C5orf46: variants seen among roughly 807,000 people sequenced by gnomAD.
The protein encoded by C5orf46 is chromosome 5 open reading frame 46.
C5orf46 carries 9 observed loss-of-function variants against 8.9 expected under a neutral mutation model. The observed-to-expected ratio is 1.01, with a 90% CI of 0.61 to 1.76. The LOEUF (loss-of-function observed/expected upper bound fraction) is 1.76. Among genes scored for constraint, C5orf46 ranks in the 40% most tolerant of loss-of-function variants. C5orf46 has a pLI of 0.00. For synonymous variants in C5orf46, 47 were observed against 41.4 expected, an observed-to-expected ratio of 1.14 and a Z score of -0.52; for missense variants, 98 against 107.8, an observed-to-expected ratio of 0.91 and a Z score of 0.40.
chr5:147,901,605 A>C (rs1757670103), intron 2 of C5orf46, 24 bp downstream of exon 2: 1 of 1,607,590 alleles, frequency 6.2e-7, no homozygotes, highest in South Asian at 1.1e-5. Flanking sequence ...TTGGACAAAA[A>C]GCAACGTTTT....
chr5:147,893,280 TC>T (rs1259689389), intron 3 of C5orf46, among the ~76,000 whole-genome samples: 3 of 145,992 alleles, frequency 2.1e-5, no homozygotes, highest in African/African-American at 7.6e-5. Context: ...GTCACATAAA[TC>T]TTTTTTTTTT....
chr5:147,886,655 A>G (rs1202628463), intron 2 of C5orf46: 1 of 151,350 alleles, frequency 6.6e-6, no homozygotes. Context: ...ACAAACATAC[A>G]TGAATGATAC....
At position 147,897,866 on chromosome 5, in the gene C5orf46, C is replaced by T. The variant is rs1392353040; in HGVS notation, c.216-825G>A. 3.9e-5 allele frequency among the ~76,000 whole-genome samples: 6 copies of T among 152,074 alleles called. No homozygotes were observed. In the South Asian group the frequency reaches 6.2e-4, roughly 16 times the overall value. On this transcript the variant is annotated intron_variant, in intron 2 of 3. Transcript: ENST00000318315. ...TCAGCAGAGGGAAAAATCACACGCA[C>T]AGATATTGGGGGTTTATACAAACAT...
At chr5:147,890,626 T>G (rs1277655206), downstream of C5orf46, among the ~76,000 whole-genome samples, 1 of 152,126 alleles carries the variant, frequency 6.6e-6, no homozygotes, top group Non-Finnish European at 1.5e-5. Context: ...AGGTGATATT[T>G]AGTACAAGAC....
intron 3 of C5orf46, among the ~76,000 whole-genome samples, chr5:147,896,672 G>A (rs1414565865): frequency 1.3e-5 from 2 of 152,064 alleles, no homozygotes; most frequent in African/African-American, 4.8e-5. Flanking sequence ...GATTGCTAGT[G>A]CGTGCTAGCC....
At chr5:147,895,180 T>C (rs1489115541) in intron 3 of C5orf46, among the ~76,000 whole-genome samples, 1 of 152,096 alleles carries the variant, frequency 6.6e-6, no homozygotes, top group Non-Finnish European at 1.5e-5. Flanking sequence ...CGGAACAGTT[T>C]AGGAGGCTGA....
At chr5:147,899,397 G>A (rs2127129232) in intron 2 of C5orf46, among the ~76,000 whole-genome samples, 1 of 152,168 alleles carries the variant, frequency 6.6e-6, no homozygotes, top group East Asian at 1.9e-4. Flanking sequence ...TTATGGGTAT[G>A]TTTTAGATCC....
At chr5:147,889,554 AG>A (rs551505472), downstream of C5orf46, among the ~76,000 whole-genome samples, 677 of 152,272 alleles carry the variant, frequency 4.4e-3, 4 homozygotes, top group African/African-American at 0.016. Context: ...CCTCTCACCT[AG>A]GTAATGGGTT....
chr5:147,895,171 G>A (rs906518535), intron 3 of C5orf46, among the ~76,000 whole-genome samples: 1 of 151,906 alleles, frequency 6.6e-6, no homozygotes, highest in Non-Finnish European at 1.5e-5. Context: ...GCCTATAATC[G>A]GAACAGTTTA....
intron 3 of C5orf46, among the ~76,000 whole-genome samples, chr5:147,894,500 T>G (rs1321904708): frequency 1.3e-5 from 2 of 152,092 alleles, no homozygotes; most frequent in African/African-American, 4.8e-5. Flanking sequence ...GAATCTCTTC[T>G]CTCAGAGTTC....
chr5:147,897,130 CA>C, intron 2 of C5orf46, 89 bp from the exon 3 acceptor site: 1 of 541,238 alleles, frequency 1.8e-6, no homozygotes. Flanking sequence ...ATGTTTGAGC[CA>C]CACTGTTCTT....
At chr5:147,904,196 G>A (rs73263261) in intron 1 of C5orf46, among the ~76,000 whole-genome samples, 5,394 of 152,256 alleles carry the variant, frequency 0.035, 299 homozygotes, top group African/African-American at 0.12. Flanking sequence ...AGGCGGAAGC[G>A]GAACTCATGT....
downstream of C5orf46, among the ~76,000 whole-genome samples, chr5:147,890,897 CA>C (rs1387585522): frequency 2.0e-5 from 3 of 152,116 alleles, no homozygotes; most frequent in African/African-American, 7.2e-5. Flanking sequence ...TGGGAAATGG[CA>C]GAAGGAATTA....
chr5:147,886,603 T>TGC (rs1757424422), intron 2 of C5orf46: 3 of 151,300 alleles, frequency 2.0e-5, no homozygotes, highest in Non-Finnish European at 4.4e-5. Flanking sequence ...GAAACCACTG[T>TGC]TCACATTGAT....
At chr5:147,890,818 A>G (rs1757492759), downstream of C5orf46, among the ~76,000 whole-genome samples, 1 of 151,664 alleles carries the variant, frequency 6.6e-6, no homozygotes. Flanking sequence ...AAGGGAAGTG[A>G]ATAACTCAGG....
At chr5:147,897,441 C>T (rs1371183676) in intron 2 of C5orf46, among the ~76,000 whole-genome samples, 1 of 152,180 alleles carries the variant, frequency 6.6e-6, no homozygotes, top group Non-Finnish European at 1.5e-5. Context: ...ATTAAACAAC[C>T]TGTCCAAAGC....
At chr5:147,900,281 C>A (rs1374638183) in intron 2 of C5orf46, among the ~76,000 whole-genome samples, 1 of 152,100 alleles carries the variant, frequency 6.6e-6, no homozygotes, top group African/African-American at 2.4e-5. Context: ...TGAGTTTTAA[C>A]AATTTGTGGA....
In C5orf46 at chr5:147,896,981, C is replaced by A; in HGVS notation, c.*9+3G>T. The A allele has an allele frequency of 6.9e-7, 1 of 1,459,388 alleles. No individual in the cohort carries two copies. Among genetic ancestry groups the A allele is most frequent in the South Asian group, 1.2e-5 (1 of 82,070 alleles). The allele number at this position is 1,459,388 out of a possible 1,614,324, so 90.4% of individuals were successfully genotyped here. ...CAGTTGTAAATTTTAAGTGAAAAAT[C>A]ACCTGAGGATGTCACTTTGATGAAT... On this transcript the variant is annotated splice_donor_region_variant and intron_variant, in intron 3 of 3. Transcript: ENST00000318315.
chr5:147,893,836 T>A (rs529646228), intron 3 of C5orf46, among the ~76,000 whole-genome samples: 32 of 152,108 alleles, frequency 2.1e-4, no homozygotes, highest in African/African-American at 7.0e-4. Context: ...TGTAATGGCA[T>A]GAGGCACTAT....
Sources: allele counts gnomAD v4.1 joint callset (sites outside exome capture counted in the v4.1 genomes callset), GRCh38; gene constraint gnomAD v4.1.1; transcripts MANE v1.5; gene names NCBI Gene and HGNC (gene_info 2026-07-23, HGNC 2026-07-21).